The following EPS15 variants were observed in gnomAD, a reference collection of about 807,000 sequenced individuals.
The protein encoded by EPS15 is epidermal growth factor receptor substrate 15.
Under a neutral mutation model 113.8 loss-of-function variants are expected in EPS15, and 72 were observed. The observed-to-expected ratio is 0.63, with a 90% CI of 0.52 to 0.77. The LOEUF is 0.77. Among genes scored for constraint, EPS15 ranks in the 30% least tolerant of loss-of-function variants. The pLI, the probability that EPS15 is intolerant of heterozygous loss-of-function variation, is 0.00. For missense variants in EPS15, 1,048 were observed against 1,045.8 expected, an observed-to-expected ratio of 1.00 and a Z score of -0.03; for synonymous variants, 344 against 363.4, an observed-to-expected ratio of 0.95 and a Z score of 0.61.
chr1:51,482,843 A>C (rs1185901919), intron 1 of EPS15, among the ~76,000 whole-genome samples: 1 of 152,114 alleles, frequency 6.6e-6, no homozygotes, highest in Admixed American at 6.6e-5. Context: ...GCTTGAAAAA[A>C]AGTTTGTAAC....
At chr1:51,488,472 T>TAAAAAA (rs71063033) in intron 1 of EPS15, among the ~76,000 whole-genome samples, 22 of 85,288 alleles carry the variant, frequency 2.6e-4, no homozygotes, top group Non-Finnish European at 3.2e-4. Flanking sequence ...TAAAGTTTTG[T>TAAAAAA]AAAAAAAAAA....
intron 16 of EPS15, 46 bp from the exon 17 acceptor site, chr1:51,403,578 T>C (rs777277845): frequency 2.7e-6 from 3 of 1,100,218 alleles, no homozygotes; most frequent in East Asian, 2.6e-5. Flanking sequence ...CTTTTTGACA[T>C]GGCAGAGAAA....
chr1:51,423,590 G>C (rs992610774), intron 12 of EPS15: 1 of 985,264 alleles, frequency 1.0e-6, no homozygotes, highest in Non-Finnish European at 1.2e-6. Flanking sequence ...CCTGGTTTCT[G>C]AAAGTAGATA....
chr1:51,439,353 ATAAGGT>A (rs1447209253), intron 12 of EPS15, among the ~76,000 whole-genome samples: 1 of 152,124 alleles, frequency 6.6e-6, no homozygotes, highest in East Asian at 1.9e-4. Context: ...AGTCTCACAG[ATAAGGT>A]TAAGATCATT....
chr1:51,356,545 AAG>A lies in EPS15; in HGVS notation c.*153_*154del. 1.7e-6 allele frequency: 1 copy of A among 598,860 alleles called. No individual in the cohort carries two copies. Among genetic ancestry groups the A allele is most frequent in the Non-Finnish European group, 2.7e-6 (1 of 371,470 alleles). The allele number at this position is 598,860 out of a possible 1,614,324, so 37.1% of individuals were successfully genotyped here. ...AAAAAAAAAAGACGAATCTGTAATG[AAG>A]AAAAAAAAAAAATCCTAAAATTTTG... On this transcript the variant is annotated 3_prime_UTR_variant, in exon 25 of 25. Coordinates refer to ENST00000371733, the MANE Select transcript of EPS15 (RefSeq NM_001981.3).
At chr1:51,415,675 A>C (rs2148441034) in intron 13 of EPS15, among the ~76,000 whole-genome samples, 1 of 151,930 alleles carries the variant, frequency 6.6e-6, no homozygotes, top group East Asian at 1.9e-4. Flanking sequence ...GGATGCCTGT[A>C]ATCCCAGCTA....
chr1:51,384,412 C>T (rs1324281041), intron 21 of EPS15, among the ~76,000 whole-genome samples: 2 of 151,360 alleles, frequency 1.3e-5, no homozygotes, highest in Non-Finnish European at 2.9e-5. Flanking sequence ...GTGATCCTCC[C>T]ACCTCAGCTT....
At chr1:51,386,901 T>C (rs1647093042) in intron 21 of EPS15, among the ~76,000 whole-genome samples, 1 of 152,124 alleles carries the variant, frequency 6.6e-6, no homozygotes, top group African/African-American at 2.4e-5. Context: ...CTCTGCAGGA[T>C]ATTATCCAGG....
At chr1:51,370,395 G>C (rs956081957) in intron 21 of EPS15, among the ~76,000 whole-genome samples, 1 of 151,996 alleles carries the variant, frequency 6.6e-6, no homozygotes, top group Non-Finnish European at 1.5e-5. Flanking sequence ...CTTATAAGTT[G>C]AGTACTCCAA....
intron 1 of EPS15, among the ~76,000 whole-genome samples, chr1:51,496,149 ACATACTATTATACC>A (rs1242609592): frequency 1.3e-5 from 2 of 152,188 alleles, no homozygotes; most frequent in African/African-American, 4.8e-5. Flanking sequence ...AACCTGAGGC[ACATACTATTATACC>A]CATTTAACAA....
intron 1 of EPS15, among the ~76,000 whole-genome samples, chr1:51,494,680 A>G (rs1469195988): frequency 6.6e-6 from 1 of 152,238 alleles, no homozygotes; most frequent in African/African-American, 2.4e-5. Flanking sequence ...GCCAGAAGGC[A>G]TTAGGGAAGG....
At chr1:51,472,129 A>G (rs1655285170) in intron 3 of EPS15, among the ~76,000 whole-genome samples, 1 of 151,950 alleles carries the variant, frequency 6.6e-6, no homozygotes, top group South Asian at 2.1e-4. Context: ...CCCCTGATTT[A>G]GTGCAACCCT....
chr1:51,426,837 C>CTCTCTCTCTCTCTCTA (rs377211027), intron 12 of EPS15, among the ~76,000 whole-genome samples: 6 of 143,650 alleles, frequency 4.2e-5, no homozygotes, highest in African/African-American at 1.6e-4. Context: ...CTCTCTCTCT[C>CTCTCTCTCTCTCTCTA]TATATATATA....
At chr1:51,469,241 A>G (rs1655075260) in intron 4 of EPS15, among the ~76,000 whole-genome samples, 1 of 152,158 alleles carries the variant, frequency 6.6e-6, no homozygotes, top group Non-Finnish European at 1.5e-5. Context: ...AGAAAATAAT[A>G]CCTAAAATGT....
intron 1 of EPS15, among the ~76,000 whole-genome samples, chr1:51,506,043 C>T (rs1644494270): frequency 6.6e-6 from 1 of 152,124 alleles, no homozygotes; most frequent in African/African-American, 2.4e-5. Context: ...CCTGCCACCA[C>T]ACCCGGCTGA....
intron 1 of EPS15, among the ~76,000 whole-genome samples, chr1:51,508,223 G>GAAAAGAAAAGAAAAGAAAAGAAAA (rs1557536219): frequency 1.3e-5 from 1 of 78,472 alleles, no homozygotes; most frequent in African/African-American, 4.7e-5. Flanking sequence ...GAAAAGAAAA[G>GAAAAGAAAAGAAAAGAAAAGAAAA]AAAAGAAAAG....
At chr1:51,432,624 T>G (rs1383747852) in intron 12 of EPS15, among the ~76,000 whole-genome samples, 1 of 152,164 alleles carries the variant, frequency 6.6e-6, no homozygotes, top group East Asian at 1.9e-4. Context: ...TCCAGTATAT[T>G]TTATACTAAC....
chr1:51,441,310 T>C (rs780137700), intron 11 of EPS15, among the ~76,000 whole-genome samples: 5 of 152,096 alleles, frequency 3.3e-5, no homozygotes, highest in Non-Finnish European at 7.4e-5. Flanking sequence ...TCCCATTGAG[T>C]TGTTTCTACC....
chr1:51,404,317 GCAGT>G lies in EPS15; in HGVS notation c.1678-789_1678-786del, dbSNP rs1028983322. 8.0e-4 allele frequency among the ~76,000 whole-genome samples: 122 copies of G among 151,824 alleles called. 1 individual carries two copies. The highest frequency in any genetic ancestry group is 2.8e-3 in the African/African-American group (116 of 41,360). On this transcript the variant is annotated intron_variant, in intron 16 of 24. Transcript: ENST00000371733. Reference sequence around the variant, plus strand: ...AGCTTGAACCCAGGAGGCAGAGGTTGCAGTGAGCTGAGATTGCGCCACTGCACTC... The same window carrying G: ...AGCTTGAACCCAGGAGGCAGAGGTTGGAGCTGAGATTGCGCCACTGCACTC...
Sources: allele counts gnomAD v4.1 joint callset (sites outside exome capture counted in the v4.1 genomes callset), GRCh38; gene constraint gnomAD v4.1.1; transcripts MANE v1.5; gene names NCBI Gene and HGNC (gene_info 2026-07-23, HGNC 2026-07-21).